The following FHOD3 variants were observed in gnomAD, a reference collection of about 807,000 sequenced individuals.
FHOD3 encodes the protein FH1/FH2 domain-containing protein 3.
In FHOD3, 90 loss-of-function variants were observed where a neutral mutation model predicts 173.0. The ratio of observed to expected loss-of-function variants is 0.52; its 90% CI spans 0.44 to 0.62. FHOD3 has a LOEUF of 0.62. Ranked by LOEUF, FHOD3 falls within the 20% of genes least tolerant of loss-of-function variation. The pLI is 0.00. For missense variants in FHOD3, 1,945 were observed against 2,034.7 expected (o/e 0.96, Z 0.85); for synonymous variants, 828 against 823.0 (o/e 1.01, Z -0.10).
At chr18:36,456,787 T>C (rs1312422218) in intron 3 of FHOD3, among the ~76,000 whole-genome samples, 1 of 152,106 alleles carries the variant, frequency 6.6e-6, no homozygotes, top group Non-Finnish European at 1.5e-5. Flanking sequence ...TGCCTGCCCA[T>C]GTAAAGCAGG....
At chr18:36,565,306 A>T (rs2058224942) in intron 5 of FHOD3, among the ~76,000 whole-genome samples, 1 of 152,198 alleles carries the variant, frequency 6.6e-6, no homozygotes, top group Admixed American at 6.5e-5. Context: ...CTTTAAGATG[A>T]ATTAGCCCTT....
intron 26 of FHOD3, among the ~76,000 whole-genome samples, chr18:36,760,177 T>A (rs1420349833): frequency 2.6e-5 from 4 of 152,204 alleles, no homozygotes; most frequent in Non-Finnish European, 4.4e-5. Context: ...TTAAGAAAAA[T>A]TTAACTGCTT....
chr18:36,627,371 C>T (rs1465143080), intron 10 of FHOD3, among the ~76,000 whole-genome samples: 2 of 152,134 alleles, frequency 1.3e-5, no homozygotes, highest in South Asian at 2.1e-4. Context: ...CTTGCTGTTA[C>T]ACTTTTCGAG....
chr18:36,335,786 C>T (rs1169261045), intron 1 of FHOD3, among the ~76,000 whole-genome samples: 2 of 152,114 alleles, frequency 1.3e-5, no homozygotes, highest in Non-Finnish European at 1.5e-5. Context: ...CTTGGGTGCC[C>T]CTGTGCTGTG....
chr18:36,512,580 T>G (rs1191312351), intron 5 of FHOD3, 37 bp downstream of exon 5: 1 of 1,450,028 alleles, frequency 6.9e-7, no homozygotes, highest in Non-Finnish European at 9.7e-7. Context: ...CTGCCCCAGC[T>G]GCAGGGGGGA....
chr18:36,688,331 G>C (rs1302048117), intron 16 of FHOD3, among the ~76,000 whole-genome samples: 1 of 152,202 alleles, frequency 6.6e-6, no homozygotes, highest in Non-Finnish European at 1.5e-5. Flanking sequence ...GTAGAATTGT[G>C]CTAATTTTCT....
chr18:36,382,025 G>A (rs139880718), intron 3 of FHOD3, among the ~76,000 whole-genome samples: 240 of 152,290 alleles, frequency 1.6e-3, no homozygotes, highest in African/African-American at 5.0e-3. Context: ...TGCACATGCC[G>A]GGCAGGGCTC....
intron 18 of FHOD3, chr18:36,711,236 G>A (rs1388716591): frequency 2.6e-5 from 4 of 152,150 alleles, no homozygotes; most frequent in African/African-American, 9.7e-5. Context: ...GTGGAGTCCG[G>A]GCAGCTATGT....
intron 1 of FHOD3, among the ~76,000 whole-genome samples, chr18:36,310,734 A>G (rs572568303): frequency 4.0e-5 from 6 of 151,184 alleles, no homozygotes; most frequent in Admixed American, 3.3e-4. Context: ...TCAACTTGGG[A>G]AAAATCCACG....
At chr18:36,520,517 A>T (rs1288370770) in intron 5 of FHOD3, among the ~76,000 whole-genome samples, 1 of 152,164 alleles carries the variant, frequency 6.6e-6, no homozygotes, top group East Asian at 1.9e-4. Flanking sequence ...TTTCATCTTA[A>T]TCTGACTCCT....
intron 5 of FHOD3, among the ~76,000 whole-genome samples, chr18:36,517,941 G>A (rs1416312954): frequency 6.6e-6 from 1 of 152,098 alleles, no homozygotes; most frequent in Non-Finnish European, 1.5e-5. Flanking sequence ...AGGATGTATG[G>A]TCAGATGGTG....
At chr18:36,578,939 T>G (rs1422439814) in intron 6 of FHOD3, among the ~76,000 whole-genome samples, 1 of 152,166 alleles carries the variant, frequency 6.6e-6, no homozygotes, top group African/African-American at 2.4e-5. Flanking sequence ...CTCAGAAGAT[T>G]GAAAATCTTT....
At chr18:36,654,553 A>G (rs1027999560) in intron 13 of FHOD3, among the ~76,000 whole-genome samples, 2 of 152,178 alleles carry the variant, frequency 1.3e-5, no homozygotes, top group East Asian at 1.9e-4. Context: ...TCCTTAGTCA[A>G]ATGAGACTTA....
chr18:36,395,757 A>C (rs1490532190), intron 3 of FHOD3, among the ~76,000 whole-genome samples: 1 of 152,178 alleles, frequency 6.6e-6, no homozygotes, highest in East Asian at 1.9e-4. Context: ...TTTTTGTTTG[A>C]GAAAATAGTT....
At chr18:36,662,737 C>T (rs1395591651) in intron 14 of FHOD3, among the ~76,000 whole-genome samples, 1 of 150,192 alleles carries the variant, frequency 6.7e-6, no homozygotes, top group Non-Finnish European at 1.5e-5. Context: ...TGAGATCTAC[C>T]CTCTTAACAA....
intron 3 of FHOD3, among the ~76,000 whole-genome samples, chr18:36,379,693 AAC>A (rs2047636924): frequency 6.6e-6 from 1 of 152,206 alleles, no homozygotes; most frequent in Non-Finnish European, 1.5e-5. Flanking sequence ...TGCAGAAAAC[AAC>A]TTCTGATAGG....
intron 5 of FHOD3, among the ~76,000 whole-genome samples, chr18:36,524,464 G>A (rs2056421991): frequency 6.6e-6 from 1 of 152,090 alleles, no homozygotes; most frequent in Non-Finnish European, 1.5e-5. Flanking sequence ...CCTGAGGACT[G>A]GAAGCCAGGA....
chr18:36,367,997 C>T (rs528338391), intron 2 of FHOD3, among the ~76,000 whole-genome samples: 1 of 152,178 alleles, frequency 6.6e-6, no homozygotes, highest in South Asian at 2.1e-4. Flanking sequence ...ATTTCCTGAG[C>T]CTCCCCAGCC....
At position 36,363,554 on chromosome 18, in the gene FHOD3, A is replaced by G. The variant is rs561197648; in HGVS notation, c.272+7909A>G. Among the ~76,000 whole-genome samples, 3 of 152,326 alleles carry G rather than the reference A, an allele frequency of 2.0e-5. No individual in the cohort carries two copies. The South Asian group carries it at 6.2e-4, about 32-fold the overall frequency. ...TTAAACCAGTCTGAAAAAGCTACAT[A>G]CTGTGAGTCCAAATTATGACATTCC... On this transcript the variant is annotated intron_variant, in intron 2 of 28. Coordinates refer to ENST00000590592, the MANE Select transcript of FHOD3 (RefSeq NM_001281740.3).
Sources: gnomAD v4.1 joint callset for allele counts (sites outside exome capture counted in the v4.1 genomes callset) on GRCh38, gnomAD v4.1.1 for gene constraint, MANE v1.5 for transcripts, NCBI Gene and HGNC (gene_info 2026-07-23, HGNC 2026-07-21) for gene names.